Variants in C12orf42 observed in about 807,000 individuals in gnomAD.
C12orf42 encodes the protein chromosome 12 open reading frame 42.
Under a neutral mutation model 21.6 loss-of-function variants are expected in C12orf42, and 25 were observed. That is an observed-to-expected ratio of 1.16 (90% CI 0.84 to 1.62). The LOEUF (loss-of-function observed/expected upper bound fraction) is 1.62, where lower values mean the gene tolerates loss of function less well. Ranked by LOEUF, C12orf42 falls within the 40% of genes most tolerant of loss-of-function variation. The pLI, the probability that C12orf42 is intolerant of heterozygous loss-of-function variation, is 0.00. For missense variants in C12orf42, 483 were observed against 459.3 expected, an observed-to-expected ratio of 1.05 and a Z score of -0.47; for synonymous variants, 174 against 175.0, an observed-to-expected ratio of 0.99 and a Z score of 0.05.
chr12:103,360,022 T>G (rs1315664763), intron 4 of C12orf42, among the ~76,000 whole-genome samples: 1 of 151,406 alleles, frequency 6.6e-6, no homozygotes, highest in Non-Finnish European at 1.5e-5. Flanking sequence ...CCCTTGTTGT[T>G]TTTTACTTAG....
intron 1 of C12orf42, among the ~76,000 whole-genome samples, chr12:103,489,103 G>C (rs571390507): frequency 2.0e-5 from 3 of 152,198 alleles, no homozygotes; most frequent in African/African-American, 7.2e-5. Context: ...TTTTGTCTTT[G>C]ATGTTGGTGT....
the C12orf42 span, among the ~76,000 whole-genome samples, chr12:103,058,691 C>T: frequency 6.6e-6 from 1 of 152,144 alleles, no homozygotes; most frequent in Non-Finnish European, 1.5e-5. Context: ...TCAAACTGCA[C>T]AACTACATGG....
At chr12:103,107,162 G>A in the C12orf42 span, among the ~76,000 whole-genome samples, 3 of 151,882 alleles carry the variant, frequency 2.0e-5, no homozygotes, top group Admixed American at 6.6e-5. Flanking sequence ...TAACAAACAC[G>A]GTTTGCAGTT....
rs748436676 is a variant in C12orf42 at position 103,302,459 on chromosome 12, C to T, written c.732G>A (p.Pro244=). The change falls in exon 6 of 6, where the codon CCG becomes CCA. Residue 244 remains proline (P), a synonymous_variant. Coordinates refer to ENST00000548883, the MANE Select transcript of C12orf42 (RefSeq NM_198521.5). The part of the protein sequence containing the change: ...STGPSNTELE[P]EERMAVPAGA... Reference sequence around the variant, plus strand: ...CTGCTGGGACTGCCATCCTCTCCTCCGGCTCGAGCTCTGTGTTACTCGGGC... The same window carrying T: ...CTGCTGGGACTGCCATCCTCTCCTCTGGCTCGAGCTCTGTGTTACTCGGGC... The T allele has an allele frequency of 1.2e-5, 20 of 1,613,662 alleles. 1 individual carries two copies. The highest frequency in any genetic ancestry group is 5.5e-5 in the South Asian group (5 of 91,084).
chr12:103,292,381 AT>A (rs1382376458), intron 4 of C12orf42, among the ~76,000 whole-genome samples: 1 of 152,142 alleles, frequency 6.6e-6, no homozygotes, highest in East Asian at 1.9e-4. Flanking sequence ...ATTATATGAT[AT>A]ATAAATATGT....
At chr12:103,530,678 AG>A in the C12orf42 span, among the ~76,000 whole-genome samples, 1 of 151,834 alleles carries the variant, frequency 6.6e-6, no homozygotes, top group Non-Finnish European at 1.5e-5. Context: ...GAGATGGGGG[AG>A]GTGAGGGGTG....
chr12:103,524,847 C>T, the C12orf42 span, among the ~76,000 whole-genome samples: 4 of 151,864 alleles, frequency 2.6e-5, no homozygotes, highest in South Asian at 2.1e-4. Flanking sequence ...AAAAGTTCAG[C>T]ATCACAGGAC....
Position 103,369,007 on chromosome 12 carries a change from T to C in C12orf42, c.148-9A>G, listed in dbSNP as rs144526671. The C allele has an allele frequency of 4.5e-5, 68 of 1,505,206 alleles. No individual in the cohort carries two copies. Among genetic ancestry groups the C allele is most frequent in the Middle Eastern group, 3.4e-4 (2 of 5,854 alleles). The allele number at this position is 1,505,206 out of a possible 1,614,324, so 93.2% of individuals were successfully genotyped here. The stretch of plus-strand genomic sequence containing the variant: ...TCATAACAAGGGATGTGCTGTAAGA[T>C]AGAGGAGAAAAATACACACAAAAAA... On this transcript the variant is annotated splice_polypyrimidine_tract_variant and intron_variant, in intron 3 of 5. Coordinates refer to ENST00000548883, the MANE Select transcript of C12orf42 (RefSeq NM_198521.5).
intron 4 of C12orf42, among the ~76,000 whole-genome samples, chr12:103,281,511 C>T (rs1397538884): frequency 6.6e-6 from 1 of 152,006 alleles, no homozygotes; most frequent in Non-Finnish European, 1.5e-5. Context: ...CGCCCACCAC[C>T]ATGCCTGGCT....
chr12:103,404,956 A>G (rs7308343), intron 2 of C12orf42, among the ~76,000 whole-genome samples: 125,461 of 152,260 alleles, frequency 0.82, 51,764 homozygotes, highest in Admixed American at 0.88. Flanking sequence ...TAATAGGTGC[A>G]TGAAGAGTAA....
the C12orf42 span, among the ~76,000 whole-genome samples, chr12:103,073,714 C>T: frequency 6.6e-6 from 1 of 151,692 alleles, no homozygotes; most frequent in Non-Finnish European, 1.5e-5. Flanking sequence ...ACAGGTTGCT[C>T]CATAAAAAAA....
At chr12:103,346,226 G>A (rs919591675) in intron 4 of C12orf42, among the ~76,000 whole-genome samples, 9 of 152,060 alleles carry the variant, frequency 5.9e-5, no homozygotes, top group African/African-American at 2.2e-4. Context: ...TATTAAATTA[G>A]AATTGGTCAA....
At chr12:103,385,121 C>T (rs2046495245) in intron 3 of C12orf42, among the ~76,000 whole-genome samples, 1 of 152,150 alleles carries the variant, frequency 6.6e-6, no homozygotes, top group South Asian at 2.1e-4. Flanking sequence ...GTTTGAAACC[C>T]CCAAATTGGT....
chr12:103,374,124 A>G (rs2045495530), intron 3 of C12orf42, among the ~76,000 whole-genome samples: 1 of 152,216 alleles, frequency 6.6e-6, no homozygotes, highest in African/African-American at 2.4e-5. Flanking sequence ...CTCTTACACT[A>G]AGCTGAATTC....
chr12:103,317,908 A>G (rs1593406693), intron 4 of C12orf42, among the ~76,000 whole-genome samples: 1 of 152,204 alleles, frequency 6.6e-6, no homozygotes. Context: ...ATAGCCCCAG[A>G]CCCACCCAAT....
chr12:103,458,841 T>G (rs1952490756), intron 2 of C12orf42, among the ~76,000 whole-genome samples: 1 of 152,006 alleles, frequency 6.6e-6, no homozygotes, highest in South Asian at 2.1e-4. Flanking sequence ...CTCTCACAAT[T>G]TAGGAGAATT....
rs577721928 is a variant in C12orf42 at position 103,439,501 on chromosome 12, C to G, written c.79-37826G>C. On this transcript the variant is annotated intron_variant, in intron 2 of 5. Transcript: ENST00000548883. ...CAAAATGGGAGAAAATTTTCGCAAC[C>G]TACTCATCTGACAAAGAGCTAATAT... 6.2e-5 allele frequency among the ~76,000 whole-genome samples: 5 copies of G among 81,198 alleles called. No individual in the cohort carries two copies. The South Asian group carries it at 2.1e-3, about 34-fold the overall frequency. 53.3% of individuals were successfully genotyped at this position (81,198 alleles called of 152,430 possible).
the C12orf42 span, among the ~76,000 whole-genome samples, chr12:103,193,711 A>G: frequency 1.3e-5 from 2 of 152,168 alleles, no homozygotes; most frequent in Non-Finnish European, 2.9e-5. Flanking sequence ...AAACCTTCCA[A>G]TAAAGAAAAG....
the C12orf42 span, among the ~76,000 whole-genome samples, chr12:103,536,872 T>C: frequency 1.3e-5 from 2 of 152,186 alleles, no homozygotes; most frequent in East Asian, 1.9e-4. Flanking sequence ...TTCTCCTATA[T>C]GTTCCTATCC....
Sources: gnomAD v4.1 joint callset for allele counts (sites outside exome capture counted in the v4.1 genomes callset) on GRCh38, gnomAD v4.1.1 for gene constraint, MANE v1.5 for transcripts, NCBI Gene and HGNC (gene_info 2026-07-23, HGNC 2026-07-21) for gene names.